FER: variants seen among roughly 807,000 people sequenced by gnomAD.
The protein encoded by FER is tyrosine-protein kinase Fer.
FER carries 63 observed loss-of-function variants against 111.0 expected under a neutral mutation model. The observed-to-expected ratio is 0.57, with a 90% CI of 0.46 to 0.70. The LOEUF (loss-of-function observed/expected upper bound fraction) is 0.70. FER is among the 30% of genes least tolerant of loss of function. The pLI is 0.00. For synonymous variants in FER, 327 were observed against 313.9 expected, an observed-to-expected ratio of 1.04 and a Z score of -0.44; for missense variants, 914 against 954.0, an observed-to-expected ratio of 0.96 and a Z score of 0.55.
At chr5:109,038,151 C>T (rs1251808296) in intron 14 of FER, among the ~76,000 whole-genome samples, 3 of 151,798 alleles carry the variant, frequency 2.0e-5, no homozygotes, top group African/African-American at 7.2e-5. Flanking sequence ...ACCAAATGGA[C>T]TATTTGAAAA....
chr5:108,969,189 T>C (rs72789319), intron 13 of FER, among the ~76,000 whole-genome samples: 17,263 of 152,244 alleles, frequency 0.11, 1,088 homozygotes, highest in Middle Eastern at 0.16. Flanking sequence ...TTACAACTTA[T>C]CCTTTAGTTC....
intron 17 of FER, among the ~76,000 whole-genome samples, chr5:109,160,787 C>A (rs1220956630): frequency 6.6e-6 from 1 of 152,082 alleles, no homozygotes; most frequent in Non-Finnish European, 1.5e-5. Context: ...CCTTTGGGAC[C>A]AGACCAATTG....
At chr5:108,766,980 A>G (rs1210740608) in intron 1 of FER, among the ~76,000 whole-genome samples, 1 of 152,172 alleles carries the variant, frequency 6.6e-6, no homozygotes, top group Admixed American at 6.5e-5. Context: ...CAGCCAATTC[A>G]AGGATCATAC....
rs73781921 is a variant in FER at position 109,030,292 on chromosome 5, A to G, written c.1657-7130A>G. Reference sequence around the variant, plus strand: ...TTAAAATCCTCGTCAGGTAATTCCAACATCAGATCCATCCCACTGTTGGTT... The same window carrying G: ...TTAAAATCCTCGTCAGGTAATTCCAGCATCAGATCCATCCCACTGTTGGTT... On this transcript the variant is annotated intron_variant, in intron 13 of 19. Coordinates refer to ENST00000281092, the MANE Select transcript of FER (RefSeq NM_005246.4). Among the ~76,000 whole-genome samples, 890 of 152,300 alleles carry G rather than the reference A, an allele frequency of 5.8e-3. 10 individuals carry two copies. The highest frequency in any genetic ancestry group is 0.02 in the African/African-American group (832 of 41,572).
intron 13 of FER, among the ~76,000 whole-genome samples, chr5:109,026,531 T>C (rs747463539): frequency 5.3e-5 from 8 of 152,220 alleles, no homozygotes; most frequent in Admixed American, 2.6e-4. Context: ...GCTGAGACTT[T>C]GAGTGGAATA....
In FER at chr5:108,995,648, C is replaced by G. The variant is rs112451573; in HGVS notation, c.1656+36301C>G. On this transcript the variant is annotated intron_variant, in intron 13 of 19. Coordinates refer to ENST00000281092, the MANE Select transcript of FER (RefSeq NM_005246.4). ...CCATGGTGTATATGTGCCATGTTTT[C>G]TTTATCCAGTCTATCATTGATGGGC... Among the ~76,000 whole-genome samples, 117 of 152,240 alleles carry G rather than the reference C, an allele frequency of 7.7e-4. 1 individual carries two copies. Among genetic ancestry groups the G allele is most frequent in the African/African-American group, 2.7e-3 (111 of 41,538 alleles).
chr5:108,764,308 A>G (rs1289777232), intron 1 of FER, among the ~76,000 whole-genome samples: 2 of 152,164 alleles, frequency 1.3e-5, no homozygotes, highest in Non-Finnish European at 1.5e-5. Flanking sequence ...AGATATAACT[A>G]CTTCATTTAT....
rs1443749053 is a variant in FER at position 109,193,523 on chromosome 5, G to C, written c.*5948G>C. ...CAAATATTACTGAGGCCAGCAAGAT[G>C]CAAGTGTTCTACAAAATAATGAACT... On this transcript the variant is annotated 3_prime_UTR_variant, in exon 20 of 20. Coordinates refer to ENST00000281092, the MANE Select transcript of FER (RefSeq NM_005246.4). 3 of 152,276 alleles carry C rather than the reference G, an allele frequency of 2.0e-5. No homozygotes were observed. In the East Asian group the frequency reaches 5.8e-4, roughly 29 times the overall value. 9.4% of individuals were successfully genotyped at this position (152,276 alleles called of 1,614,324 possible).
At chr5:108,793,519 C>CGGGGGGGG (rs144848588) in intron 2 of FER, among the ~76,000 whole-genome samples, 20 of 103,078 alleles carry the variant, frequency 1.9e-4, no homozygotes, top group South Asian at 1.5e-3. Flanking sequence ...TTTGGCGGGG[C>CGGGGGGGG]GGGGGGGGTG....
At chr5:109,018,100 A>G (rs972343044) in intron 13 of FER, among the ~76,000 whole-genome samples, 1 of 151,894 alleles carries the variant, frequency 6.6e-6, no homozygotes, top group Non-Finnish European at 1.5e-5. Flanking sequence ...AAATGACTTA[A>G]TACTTTGGAT....
intron 3 of FER, among the ~76,000 whole-genome samples, chr5:108,814,107 T>C (rs189002776): frequency 9.8e-5 from 15 of 152,316 alleles, no homozygotes; most frequent in African/African-American, 3.6e-4. Context: ...TGGCAATTAC[T>C]TTTTCATTCT....
chr5:108,858,175 T>G (rs1305769490), intron 5 of FER, among the ~76,000 whole-genome samples: 1 of 152,222 alleles, frequency 6.6e-6, no homozygotes, highest in African/African-American at 2.4e-5. Context: ...CTTCAAATTC[T>G]AGTCCAATAC....
At chr5:108,756,327 T>C (rs911940304) in intron 1 of FER, among the ~76,000 whole-genome samples, 1 of 152,034 alleles carries the variant, frequency 6.6e-6, no homozygotes, top group Non-Finnish European at 1.5e-5. Flanking sequence ...TTTGCTTTAC[T>C]AGGAGCAAAG....
At chr5:108,778,192 T>A (rs1753699901) in intron 2 of FER, among the ~76,000 whole-genome samples, 1 of 152,228 alleles carries the variant, frequency 6.6e-6, no homozygotes, top group Non-Finnish European at 1.5e-5. Context: ...GTTCATCTAT[T>A]CACCTACTGA....
chr5:108,970,472 G>C (rs1337048699), intron 13 of FER, among the ~76,000 whole-genome samples: 1 of 151,806 alleles, frequency 6.6e-6, no homozygotes, highest in Non-Finnish European at 1.5e-5. Context: ...CATCAGCCTC[G>C]GCCTCCCAAA....
chr5:108,862,705 CT>C (rs1164597463), intron 5 of FER, among the ~76,000 whole-genome samples: 1 of 152,030 alleles, frequency 6.6e-6, no homozygotes, highest in Non-Finnish European at 1.5e-5. Context: ...AACATGTGGA[CT>C]GTGGAAAGTG....
At chr5:109,067,972 A>G (rs1479855506) in intron 16 of FER, among the ~76,000 whole-genome samples, 3 of 152,204 alleles carry the variant, frequency 2.0e-5, no homozygotes, top group Non-Finnish European at 4.4e-5. Flanking sequence ...CCGCACATCT[A>G]GCCGTAATCA....
In FER at chr5:109,188,647, T is replaced by TAATA. The variant is rs1759139915; in HGVS notation, c.*1074_*1077dup. 6.6e-6 allele frequency: 1 copy of TAATA among 152,106 alleles called. No homozygotes were observed. Among genetic ancestry groups the TAATA allele is most frequent in the Admixed American group, 6.6e-5 (1 of 15,262 alleles). 9.4% of individuals were successfully genotyped at this position (152,106 alleles called of 1,614,324 possible). A position where few individuals can be genotyped will look rare whatever the true frequency, so the allele number is the denominator to read the frequency against. ...TCACATATTCTATTCTAAAAACACA[T>TAATA]AATAATACATATTCTATTTTATGGT... On this transcript the variant is annotated 3_prime_UTR_variant, in exon 20 of 20. Coordinates refer to ENST00000281092, the MANE Select transcript of FER (RefSeq NM_005246.4).
chr5:109,039,117 A>G (rs1325352726), intron 14 of FER, among the ~76,000 whole-genome samples: 1 of 152,088 alleles, frequency 6.6e-6, no homozygotes, highest in Non-Finnish European at 1.5e-5. Flanking sequence ...ATACTGCTTA[A>G]GAGTACATGG....
Sources: gnomAD v4.1 joint callset for allele counts (sites outside exome capture counted in the v4.1 genomes callset) on GRCh38, gnomAD v4.1.1 for gene constraint, MANE v1.5 for transcripts, NCBI Gene and HGNC (gene_info 2026-07-23, HGNC 2026-07-21) for gene names.